QSER1: variants seen among roughly 807,000 people sequenced by gnomAD.
QSER1 encodes glutamine and serine rich 1.
Under a neutral mutation model 158.5 loss-of-function variants are expected in QSER1, and 49 were observed. The ratio of observed to expected loss-of-function variants is 0.31; its 90% CI spans 0.25 to 0.39. QSER1 has a LOEUF of 0.39. QSER1 is among the 10% of genes least tolerant of loss of function. The probability of loss-of-function intolerance (pLI) is 1.00; values close to 1 mark genes in which losing one functional copy is unlikely to be tolerated. For missense variants in QSER1, 1,754 were observed against 2,010.3 expected, an observed-to-expected ratio of 0.87 and a Z score of 2.44; for synonymous variants, 650 against 715.5, an observed-to-expected ratio of 0.91 and a Z score of 1.46.
At chr11:32,916,185 G>A (rs1851829014) in intron 1 of QSER1, among the ~76,000 whole-genome samples, 1 of 152,176 alleles carries the variant, frequency 6.6e-6, no homozygotes, top group South Asian at 2.1e-4. Flanking sequence ...ACGGGCATGA[G>A]CCACCGCGCT....
intron 1 of QSER1, among the ~76,000 whole-genome samples, chr11:32,898,671 C>T (rs989207799): frequency 3.3e-5 from 5 of 152,130 alleles, no homozygotes; most frequent in South Asian, 2.1e-4. Context: ...ACTGCAGCCT[C>T]GACCTCCTGG....
chr11:32,913,377 TAGA>T (rs1168668013), intron 1 of QSER1, among the ~76,000 whole-genome samples: 1 of 151,878 alleles, frequency 6.6e-6, no homozygotes, highest in Non-Finnish European at 1.5e-5. Context: ...TTTATTTTAG[TAGA>T]GACGAGGTTT....
chr11:32,916,380 C>T (rs1339487512), intron 1 of QSER1, among the ~76,000 whole-genome samples: 1 of 152,160 alleles, frequency 6.6e-6, no homozygotes, highest in Non-Finnish European at 1.5e-5. Context: ...TTCCTAGTTT[C>T]CCCTCTCCCC....
rs201126266 is a variant in QSER1 at position 32,976,480 on chromosome 11, C to A, written c.*6C>A. 6.5e-5 allele frequency: 105 copies of A among 1,608,644 alleles called. No individual in the cohort carries two copies. Among genetic ancestry groups the A allele is most frequent in the African/African-American group, 1.3e-5 (1 of 74,406 alleles). On this transcript the variant is annotated 3_prime_UTR_variant, in exon 13 of 13. Coordinates refer to ENST00000650167, the MANE Select transcript of QSER1 (RefSeq NM_001076786.3). ...TACAGCAGAAATGTTCCTGACTTTT[C>A]CACAAAAATCCCATCTTTTTATAGC...
At chr11:32,940,846 G>A (rs1852220006) in intron 4 of QSER1, among the ~76,000 whole-genome samples, 1 of 151,706 alleles carries the variant, frequency 6.6e-6, no homozygotes, top group African/African-American at 2.4e-5. Context: ...CCTAATAAAT[G>A]GTTCTTTTTA....
intron 10 of QSER1, among the ~76,000 whole-genome samples, chr11:32,971,788 G>A (rs2133611248): frequency 6.6e-6 from 1 of 152,278 alleles, no homozygotes; most frequent in East Asian, 1.9e-4. Context: ...TTCGGGACTG[G>A]CGCGGTGGCT....
In QSER1 at chr11:32,893,593, C is replaced by T. The variant is rs1851515070; in HGVS notation, c.209+259C>T. Among the ~76,000 whole-genome samples the T allele has an allele frequency of 6.6e-6, 1 of 152,142 alleles. No individual in the cohort carries two copies. Among genetic ancestry groups the T allele is most frequent in the Non-Finnish European group, 1.5e-5 (1 of 68,028 alleles). ...CGGGAGTCGTGGGGCTCCGTCACCT[C>T]TTGGGTCCTGGGCTCTCACATGGTG... On this transcript the variant is annotated intron_variant, in intron 1 of 12. Coordinates refer to ENST00000650167, the MANE Select transcript of QSER1 (RefSeq NM_001076786.3). This position sits in a 1 kb window ranked among gnomAD's most constrained non-coding sequence, Gnocchi z 4.7.
intron 4 of QSER1, among the ~76,000 whole-genome samples, chr11:32,949,120 A>G (rs1852383168): frequency 6.6e-6 from 1 of 152,252 alleles, no homozygotes; most frequent in East Asian, 1.9e-4. Context: ...GTTTACATTT[A>G]CTTATATATT....
In QSER1 at chr11:32,964,717, CATAT is replaced by C. The variant is rs375985842; in HGVS notation, c.4970-1563_4970-1560del. 1.2e-3 allele frequency among the ~76,000 whole-genome samples: 76 copies of C among 64,260 alleles called. 3 individuals are homozygous for C. The highest frequency in any genetic ancestry group is 3.6e-3 in the African/African-American group (52 of 14,360). The allele number at this position is 64,260 out of a possible 152,430, so 42.2% of individuals were successfully genotyped here. A position where few individuals can be genotyped will look rare whatever the true frequency, so the allele number is the denominator to read the frequency against. The stretch of plus-strand genomic sequence containing the variant: ...TATCTCTAAGAAAAAAAAAAAACAC[CATAT>C]ATATATATATATATATATACACACA... On this transcript the variant is annotated intron_variant, in intron 8 of 12. Coordinates refer to ENST00000650167, the MANE Select transcript of QSER1 (RefSeq NM_001076786.3).
chr11:32,903,016 G>A (rs989281143), intron 1 of QSER1, among the ~76,000 whole-genome samples: 3 of 152,324 alleles, frequency 2.0e-5, no homozygotes, highest in Non-Finnish European at 4.4e-5. Context: ...TTGGGAAGTT[G>A]AGGGTATAGG....
intron 1 of QSER1, among the ~76,000 whole-genome samples, chr11:32,904,496 A>T (rs1243857685): frequency 2.0e-5 from 3 of 152,064 alleles, no homozygotes; most frequent in Admixed American, 1.3e-4. Flanking sequence ...AGCCAGTAGT[A>T]AGCATTTCTT....
At chr11:32,938,026 G>A (rs1301799630) in intron 4 of QSER1, among the ~76,000 whole-genome samples, 1 of 152,168 alleles carries the variant, frequency 6.6e-6, no homozygotes, top group Non-Finnish European at 1.5e-5. Flanking sequence ...GTGTTTTAAT[G>A]TGTTCATTTA....
rs368805606 is a variant in QSER1 at position 32,978,344 on chromosome 11, G to A, written c.*1870G>A. On this transcript the variant is annotated 3_prime_UTR_variant, in exon 13 of 13. Coordinates refer to ENST00000650167, the MANE Select transcript of QSER1 (RefSeq NM_001076786.3). ...GGAGAGGAGTAGGAAGCAGCCATAT[G>A]ATAGTATTGACTCTGGACAGAATTG... The A allele has an allele frequency of 7.9e-5, 12 of 152,322 alleles. No individual in the cohort carries two copies. In the East Asian group the frequency reaches 2.3e-3, roughly 29 times the overall value. 9.4% of individuals were successfully genotyped at this position (152,322 alleles called of 1,614,324 possible).
chr11:32,895,486 T>C (rs1851543181), intron 1 of QSER1, among the ~76,000 whole-genome samples: 1 of 152,256 alleles, frequency 6.6e-6, no homozygotes, highest in African/African-American at 2.4e-5. Flanking sequence ...ATCTGAAATA[T>C]GCCTTGTAAG....
intron 1 of QSER1, among the ~76,000 whole-genome samples, chr11:32,899,174 T>C (rs1409188277): frequency 1.3e-5 from 2 of 152,260 alleles, no homozygotes; most frequent in African/African-American, 2.4e-5. Flanking sequence ...TTTGCTGTTA[T>C]ATTTGTAGTA....
intron 1 of QSER1, among the ~76,000 whole-genome samples, chr11:32,920,237 GC>G (rs1851884016): frequency 1.3e-5 from 2 of 152,158 alleles, no homozygotes; most frequent in Non-Finnish European, 1.5e-5. Context: ...CATTTTAAAA[GC>G]ATATAAAATC....
chr11:32,941,583 AG>A (rs972370613), intron 4 of QSER1, among the ~76,000 whole-genome samples: 52 of 152,176 alleles, frequency 3.4e-4, no homozygotes, highest in Admixed American at 3.3e-3. Context: ...GTGGCTGCAT[AG>A]TATTCCATGG....
In QSER1 at chr11:32,931,903, C is replaced by A; in HGVS notation, c.645C>A (p.Asn215Lys). The A allele has an allele frequency of 2.5e-6, 4 of 1,614,176 alleles. No individual in the cohort carries two copies. The highest frequency in any genetic ancestry group is 1.6e-4 in the Middle Eastern group (1 of 6,062). The stretch of plus-strand genomic sequence containing the variant: ...TGGTGCTTCAGGATTCAACTTTTAA[C>A]ACTACATCAAATGGAATTTTAAGTC... The part of the protein sequence containing the change: ...SPLVLQDSTF[N>K]TTSNGILSHH... Residue 215 changes from asparagine to lysine, a missense_variant, in exon 4 of 13, where the codon AAC becomes AAA. Physicochemically the swap from Asn to Lys is moderately conservative, Grantham distance 94. Transcript: ENST00000650167.
At chr11:32,927,934 TTGGGATA>T in intron 2 of QSER1, 21 bp from the exon 3 acceptor site, 1 of 583,336 alleles carries the variant, frequency 1.7e-6, no homozygotes, top group Non-Finnish European at 2.9e-6. Context: ...TTTTTTTACT[TTGGGATA>T]TATTTTATCT....
Sources: allele counts gnomAD v4.1 joint callset (sites outside exome capture counted in the v4.1 genomes callset), GRCh38; gene constraint gnomAD v4.1.1; non-coding constraint Gnocchi (gnomAD v3.1); transcripts MANE v1.5; gene names NCBI Gene and HGNC (gene_info 2026-07-23, HGNC 2026-07-21).